The following TRPM1 variants were observed in gnomAD, a reference collection of about 807,000 sequenced individuals.
The protein encoded by TRPM1 is TRPM1-203 APA Isoform, Intron 10.
Under a neutral mutation model 149.4 loss-of-function variants are expected in TRPM1, and 113 were observed. The observed-to-expected ratio is 0.76, with a 90% CI of 0.65 to 0.88. The LOEUF is 0.88. Among genes scored for constraint, TRPM1 ranks in the 40% least tolerant of loss-of-function variants. The pLI is 0.00. For missense variants in TRPM1, 1,976 were observed against 2,038.7 expected, an observed-to-expected ratio of 0.97 and a Z score of 0.59; for synonymous variants, 741 against 759.5, an observed-to-expected ratio of 0.98 and a Z score of 0.40.
At chr15:31,118,118 T>A (rs2035826258) in intron 1 of TRPM1, among the ~76,000 whole-genome samples, 1 of 151,966 alleles carries the variant, frequency 6.6e-6, no homozygotes, top group Non-Finnish European at 1.5e-5. Context: ...AAAAATTAGC[T>A]AGGTGTGGTG....
chr15:31,026,083 C>T lies in TRPM1; in HGVS notation c.3629+56G>A, dbSNP rs138344999. The T allele has an allele frequency of 7.3e-4, 1,164 of 1,603,410 alleles. 15 individuals carry two copies. The East Asian group carries it at 0.02, about 28-fold the overall frequency. The stretch of plus-strand genomic sequence containing the variant: ...CTCTGGCATCCCCCATAGAGTGGGG[C>T]GCCCGAGTCAGCAAACCCTTGGCTC... On this transcript the variant is annotated intron_variant, in intron 27 of 27. Coordinates refer to ENST00000256552, the MANE Select transcript of TRPM1 (RefSeq NM_001252024.2).
chr15:31,002,318 C>T lies in TRPM1; in HGVS notation c.4382G>A (p.Ser1461Asn). ...CTTTCTTCCCCGGGAATAGACGAAG[C>T]TTCTGGACTTCATTGTTTTACAAGC... ...INACKTMKSRSFVYSRGRKLV... is the reference protein window; with the variant it reads ...INACKTMKSRNFVYSRGRKLV... Residue 1461 changes from serine (S) to asparagine (N), a missense_variant, in exon 28 of 28, where the codon AGC becomes AAC. Transcript: ENST00000256552. 3.7e-6 allele frequency: 6 copies of T among 1,614,220 alleles called. No individual in the cohort carries two copies. Among genetic ancestry groups the T allele is most frequent in the Non-Finnish European group, 5.1e-6 (6 of 1,180,044 alleles).
At chr15:31,011,852 T>TG (rs2032195690) in intron 27 of TRPM1, among the ~76,000 whole-genome samples, 1 of 151,996 alleles carries the variant, frequency 6.6e-6, no homozygotes, top group South Asian at 2.1e-4. Context: ...TCAATAGAGA[T>TG]GGGGTTTCAC....
chr15:31,009,113 TTGTC>T (rs2032093594), intron 27 of TRPM1, among the ~76,000 whole-genome samples: 1 of 152,188 alleles, frequency 6.6e-6, no homozygotes, highest in African/African-American at 2.4e-5. Flanking sequence ...AATGAATTCT[TTGTC>T]TGATTTTTTT....
At chr15:31,079,449 T>C (rs1299736817) in intron 2 of TRPM1, among the ~76,000 whole-genome samples, 2 of 152,218 alleles carry the variant, frequency 1.3e-5, no homozygotes, top group East Asian at 3.8e-4. Context: ...CTCCCTTAAC[T>C]CCTTGCCAGG....
At chr15:31,108,253 C>G (rs911310850) in intron 1 of TRPM1, among the ~76,000 whole-genome samples, 8 of 152,118 alleles carry the variant, frequency 5.3e-5, no homozygotes, top group East Asian at 1.9e-4. Flanking sequence ...CTTATGAAGG[C>G]TTGTTTTATG....
At chr15:31,132,444 A>G (rs2036029315) in intron 1 of TRPM1, among the ~76,000 whole-genome samples, 1 of 152,216 alleles carries the variant, frequency 6.6e-6, no homozygotes, top group Non-Finnish European at 1.5e-5. Flanking sequence ...CAGAGTAGCC[A>G]CTGGCTACCC....
intron 1 of TRPM1, among the ~76,000 whole-genome samples, chr15:31,122,587 CA>C (rs1399370433): frequency 6.6e-6 from 1 of 152,008 alleles, no homozygotes; most frequent in African/African-American, 2.4e-5. Context: ...ACACTAGTAC[CA>C]AACAATAGAG....
chr15:31,113,378 G>T (rs964655115), intron 1 of TRPM1, among the ~76,000 whole-genome samples: 5 of 151,948 alleles, frequency 3.3e-5, no homozygotes, highest in Non-Finnish European at 5.9e-5. Flanking sequence ...CACAACCAAC[G>T]GGGTTCTCCA....
intron 1 of TRPM1, among the ~76,000 whole-genome samples, chr15:31,087,447 G>T (rs1209612109): frequency 6.6e-6 from 1 of 151,482 alleles, no homozygotes. Flanking sequence ...GTAGAGACGG[G>T]GTTTCACCAT....
At chr15:31,141,859 C>G (rs1488861210) in intron 1 of TRPM1, among the ~76,000 whole-genome samples, 2 of 152,108 alleles carry the variant, frequency 1.3e-5, no homozygotes, top group African/African-American at 4.8e-5. Flanking sequence ...ATAGAAAATA[C>G]CTTCTTTGCC....
At chr15:31,058,771 T>C (rs2034151446) in intron 11 of TRPM1, among the ~76,000 whole-genome samples, 1 of 152,178 alleles carries the variant, frequency 6.6e-6, no homozygotes, top group Non-Finnish European at 1.5e-5. Flanking sequence ...TTTACCGTCA[T>C]AAAGGTGACC....
chr15:31,101,824 C>T (rs1313577989), upstream of TRPM1: 12 of 646,080 alleles, frequency 1.9e-5, no homozygotes, highest in Non-Finnish European at 2.3e-5. Flanking sequence ...GAAGCGATGG[C>T]CCCATGACCT....
chr15:31,084,306 A>G (rs561561483), intron 1 of TRPM1, among the ~76,000 whole-genome samples: 94 of 152,268 alleles, frequency 6.2e-4, no homozygotes, highest in Admixed American at 2.2e-3. Flanking sequence ...ACCTAATTCC[A>G]GAGCACTTTG....
chr15:31,017,533 T>A (rs2032409401), intron 27 of TRPM1, among the ~76,000 whole-genome samples: 1 of 151,982 alleles, frequency 6.6e-6, no homozygotes, highest in Non-Finnish European at 1.5e-5. Flanking sequence ...CCCTGGGGAG[T>A]GATTTATCAA....
chr15:31,125,843 G>C (rs2035944466), intron 1 of TRPM1, among the ~76,000 whole-genome samples: 1 of 149,134 alleles, frequency 6.7e-6, no homozygotes, highest in East Asian at 2.0e-4. Flanking sequence ...AAATCACACA[G>C]AGTATGGCTG....
chr15:31,048,718 C>T (rs965508914), intron 13 of TRPM1, among the ~76,000 whole-genome samples: 8 of 151,818 alleles, frequency 5.3e-5, no homozygotes, highest in East Asian at 1.9e-4. Context: ...AGGCTGGGAT[C>T]GGAGGATGGC....
chr15:31,109,627 G>A (rs931410573), intron 1 of TRPM1, among the ~76,000 whole-genome samples: 4 of 150,954 alleles, frequency 2.6e-5, no homozygotes, highest in African/African-American at 9.7e-5. Flanking sequence ...TTGAACCTGG[G>A]AGGCAAAGGT....
At chr15:31,048,356 C>T (rs1272148926) in intron 13 of TRPM1, among the ~76,000 whole-genome samples, 1 of 152,164 alleles carries the variant, frequency 6.6e-6, no homozygotes, top group Non-Finnish European at 1.5e-5. Context: ...ATTGTGAGAG[C>T]TGGAGTGTAA....
Sources: gnomAD v4.1 joint callset for allele counts (sites outside exome capture counted in the v4.1 genomes callset) on GRCh38, gnomAD v4.1.1 for gene constraint, MANE v1.5 for transcripts, NCBI Gene and HGNC (gene_info 2026-07-23, HGNC 2026-07-21) for gene names.